NTSR2: variants seen among roughly 807,000 people sequenced by gnomAD.
The protein encoded by NTSR2 is neurotensin receptor 2.
A neutral mutation model predicts 24.1 loss-of-function variants in NTSR2; 22 were observed. The ratio of observed to expected loss-of-function variants is 0.91; its 90% CI spans 0.65 to 1.30. The LOEUF (loss-of-function observed/expected upper bound fraction) is 1.30, where lower values mean the gene tolerates loss of function less well. NTSR2 is among the 50% of genes most tolerant of loss of function. NTSR2 has a pLI of 0.00. For missense variants in NTSR2, 570 were observed against 570.4 expected, an observed-to-expected ratio of 1.00 and a Z score of 0.01; for synonymous variants, 291 against 267.0, an observed-to-expected ratio of 1.09 and a Z score of -0.88.
At chr2:11,669,459 C>CCGGCCGGGGGGGG in intron 1 of NTSR2, 47 bp downstream of exon 1, 1 of 337,894 alleles carries the variant, frequency 3.0e-6, no homozygotes, top group East Asian at 4.3e-5. Context: ...CTCCCAGCAC[C>CCGGCCGGGGGGGG]GCCCCCCCAC....
rs777330487 is a variant in NTSR2, at chr2:11,669,842, C to A, written c.288G>T (p.Trp96Cys). Reference protein sequence around the residue: ...GVPVELYSFVWFHYPWVFGDL... With the variant: ...GVPVELYSFVCFHYPWVFGDL... ...CGCCGAAGACCCAGGGGTAGTGGAA[C>A]CACACGAAGCTGTAGAGCTCCACCG... Residue 96 changes from tryptophan (W) to cysteine (C), a missense_variant, in exon 1 of 4, where the codon TGG becomes TGT. By Grantham distance (215) the Trp-to-Cys change is radical (BLOSUM62 -2). Transcript: ENST00000306928. The A allele has an allele frequency of 2.1e-5, 34 of 1,583,758 alleles. No individual in the cohort carries two copies. In the Admixed American group the frequency reaches 3.3e-4, roughly 15 times the overall value.
At chr2:11,666,885 A>G (rs537538273) in intron 1 of NTSR2, among the ~76,000 whole-genome samples, 4 of 152,118 alleles carry the variant, frequency 2.6e-5, no homozygotes, top group Non-Finnish European at 5.9e-5. Flanking sequence ...GCTTCCTGTG[A>G]GCCAGGCACT....
At chr2:11,669,459 C>CGGGGGGGGGGCGG in intron 1 of NTSR2, 47 bp downstream of exon 1, 1 of 337,896 alleles carries the variant, frequency 3.0e-6, no homozygotes, top group Non-Finnish European at 5.3e-6. Context: ...CTCCCAGCAC[C>CGGGGGGGGGGCGG]GCCCCCCCAC....
intron 1 of NTSR2, among the ~76,000 whole-genome samples, chr2:11,663,586 A>G (rs1661129627): frequency 6.6e-6 from 1 of 152,248 alleles, no homozygotes; most frequent in Admixed American, 6.5e-5. Context: ...CTTGGATTAG[A>G]AAGAAAATAC....
chr2:11,662,150 G>T lies in NTSR2; in HGVS notation c.715C>A (p.Gln239Lys). 1 of 1,603,592 alleles carries T rather than the reference G, an allele frequency of 6.2e-7. No individual in the cohort carries two copies. The highest frequency in any genetic ancestry group is 8.5e-7 in the Non-Finnish European group (1 of 1,175,012). Residue 239 changes from glutamine (Q) to lysine (K), a missense_variant, in exon 2 of 4, where the codon CAA becomes AAA. Gln to Lys is a moderately conservative substitution (Grantham distance 53, BLOSUM62 1). Coordinates refer to ENST00000306928, the MANE Select transcript of NTSR2 (RefSeq NM_012344.4). Reference protein sequence around the residue: ...TVSHLLALCSQVPSTSTPGSS... With the variant: ...TVSHLLALCSKVPSTSTPGSS... ...CCCGGGGTAGAAGTGGACGGCACTT[G>T]GGAGCAGAGGGCCAGCAGGTGGCTC...
chr2:11,669,459 C>CCGGGGCGGGG, intron 1 of NTSR2, 47 bp downstream of exon 1: 2 of 337,896 alleles, frequency 5.9e-6, no homozygotes, highest in East Asian at 4.3e-5. Flanking sequence ...CTCCCAGCAC[C>CCGGGGCGGGG]GCCCCCCCAC....
intron 1 of NTSR2, among the ~76,000 whole-genome samples, chr2:11,663,635 C>T (rs1173709088): frequency 1.3e-5 from 2 of 152,124 alleles, no homozygotes; most frequent in Non-Finnish European, 2.9e-5. Flanking sequence ...TACATAGTCA[C>T]AATTACATAA....
In NTSR2 at chr2:11,660,087, G is replaced by A; in HGVS notation, c.945C>T (p.Ala315=). 8.1e-6 allele frequency: 13 copies of A among 1,613,908 alleles called. No homozygotes were observed. Among genetic ancestry groups the A allele is most frequent in the Admixed American group, 1.7e-5 (1 of 60,028 alleles). Residue 315 remains alanine, a synonymous_variant, in exon 3 of 4, where the codon GCC becomes GCT. Coordinates refer to ENST00000306928, the MANE Select transcript of NTSR2 (RefSeq NM_012344.4). The part of the protein sequence containing the change: ...MYVICWLPYH[A]RRLMYCYVPD... ...GTACGTAGCAGTACATGAGCCTGCG[G>A]GCATGGTACGGCAGCCAGCAGATGA...
chr2:11,664,718 T>C (rs747911771), intron 1 of NTSR2, among the ~76,000 whole-genome samples: 3 of 152,212 alleles, frequency 2.0e-5, no homozygotes, highest in Non-Finnish European at 2.9e-5. Flanking sequence ...TTTGGGAGTT[T>C]TAAAATCTTT....
In NTSR2 at chr2:11,662,021, T is replaced by C. The variant is rs199621181; in HGVS notation, c.844A>G (p.Arg282Gly). ...FIQGGQVSLV[R>G]HKDVRRIRSL... Reference sequence around the variant, plus strand: ...CGGATCCGGCGCACGTCTTTATGTCTCACCAGGCTGACCTGGCCTCCCTGG... The same window carrying C: ...CGGATCCGGCGCACGTCTTTATGTCCCACCAGGCTGACCTGGCCTCCCTGG... Residue 282 changes from arginine to glycine, a missense_variant, in exon 2 of 4, where the codon AGA (arginine) becomes GGA (glycine). Coordinates refer to ENST00000306928, the MANE Select transcript of NTSR2 (RefSeq NM_012344.4). The C allele has an allele frequency of 1.2e-6, 2 of 1,612,940 alleles. No homozygotes were observed. Among genetic ancestry groups the C allele is most frequent in the African/African-American group, 2.7e-5 (2 of 74,990 alleles).
At position 11,669,478 on chromosome 2, in the gene NTSR2, C is replaced by T. The variant is rs774387434; in HGVS notation, c.624+28G>A. 2.1e-5 allele frequency: 17 copies of T among 816,238 alleles called. 1 individual carries two copies. Among genetic ancestry groups the T allele is most frequent in the South Asian group, 5.8e-5 (1 of 17,268 alleles). 50.6% of individuals were successfully genotyped at this position (816,238 alleles called of 1,614,324 possible). The stretch of plus-strand genomic sequence containing the variant: ...CAGCACCGCCCCCCCACCCCCCCTC[C>T]CCCGACTCCCGCTCTCCACGCCCTT... On this transcript the variant is annotated intron_variant, in intron 1 of 3. Coordinates refer to ENST00000306928, the MANE Select transcript of NTSR2 (RefSeq NM_012344.4).
Position 11,660,058 on chromosome 2 carries a change from T to C in NTSR2, c.974A>G (p.Asp325Gly). The C allele has an allele frequency of 1.9e-6, 3 of 1,613,818 alleles. No individual in the cohort carries two copies. Among genetic ancestry groups the C allele is most frequent in the Non-Finnish European group, 2.5e-6 (3 of 1,179,912 alleles). Reference sequence around the variant, plus strand: ...CCACACTCACTCAGTCCACGCGTCATCAGGTACGTAGCAGTACATGAGCCT... The same window carrying C: ...CCACACTCACTCAGTCCACGCGTCACCAGGTACGTAGCAGTACATGAGCCT... The part of the protein sequence containing the change: ...ARRLMYCYVP[D>G]DAWTDPLYNF... The change falls in exon 3 of 4, where the codon GAT becomes GGT. Residue 325 changes from aspartate (D) to glycine (G), a missense_variant. Physicochemically the swap from Asp to Gly is moderately conservative, Grantham distance 94. Transcript: ENST00000306928.
At position 11,662,228 on chromosome 2, in the gene NTSR2, C is replaced by A; in HGVS notation, c.637G>T (p.Val213Leu). 5 of 1,521,972 alleles carry A rather than the reference C, an allele frequency of 3.3e-6. No individual in the cohort carries two copies. The highest frequency in any genetic ancestry group is 4.4e-6 in the Non-Finnish European group (5 of 1,133,642). The allele number at this position is 1,521,972 out of a possible 1,614,324, so 94.3% of individuals were successfully genotyped here. Residue 213 changes from valine to leucine, a missense_variant, in exon 2 of 4, where the codon GTG becomes TTG. Val to Leu is a conservative substitution (Grantham distance 32). Coordinates refer to ENST00000306928, the MANE Select transcript of NTSR2 (RefSeq NM_012344.4). The stretch of plus-strand genomic sequence containing the variant: ...AGTGCCAAGGGGAGCACGAAGGACA[C>A]CAGCACATTCACCTGTGGAGGTAAT... ...LQVFIQVNVL[V>L]SFVLPLALTA...
chr2:11,669,964 C>T lies in NTSR2; in HGVS notation c.166G>A (p.Val56Met). Reference protein sequence around the residue: ...GAAGNALSAHVVLKARAGRAG... With the variant: ...GAAGNALSAHMVLKARAGRAG... ...CGCCCGGCCCGCGCCTTCAGCACCA[C>T]GTGCGCGGACAGCGCATTGCCCGCC... Residue 56 changes from valine to methionine, a missense_variant, in exon 1 of 4, where the codon GTG (valine) becomes ATG (methionine). Transcript: ENST00000306928. 1.3e-6 allele frequency: 2 copies of T among 1,512,302 alleles called. No homozygotes were observed. The highest frequency in any genetic ancestry group is 1.8e-6 in the Non-Finnish European group (2 of 1,137,102). The allele number at this position is 1,512,302 out of a possible 1,614,324, so 93.7% of individuals were successfully genotyped here.
At chr2:11,667,496 C>A (rs1045430977) in intron 1 of NTSR2, among the ~76,000 whole-genome samples, 1 of 152,072 alleles carries the variant, frequency 6.6e-6, no homozygotes, top group African/African-American at 2.4e-5. Flanking sequence ...ACAGGCATGC[C>A]ACCATGCCCA....
At chr2:11,666,895 T>G (rs1405643123) in intron 1 of NTSR2, among the ~76,000 whole-genome samples, 1 of 152,100 alleles carries the variant, frequency 6.6e-6, no homozygotes, top group Non-Finnish European at 1.5e-5. Context: ...AGCCAGGCAC[T>G]GTACCAGGCT....
Position 11,669,894 on chromosome 2 carries a change from C to A in NTSR2, c.236G>T (p.Gly79Val). The part of the protein sequence containing the change: ...RHHVLSLALA[G>V]LLLLLVGVPV... ...CACGCCGACCAGCAGCAGCAGCAGG[C>A]CCGCGAGCGCCAGGCTGAGCACGTG... The change falls in exon 1 of 4, where the codon GGC (glycine) becomes GTC (valine). Residue 79 changes from glycine (G) to valine (V), a missense_variant. Coordinates refer to ENST00000306928, the MANE Select transcript of NTSR2 (RefSeq NM_012344.4). The A allele has an allele frequency of 6.4e-7, 1 of 1,574,420 alleles. No individual in the cohort carries two copies. The highest frequency in any genetic ancestry group is 8.6e-7 in the Non-Finnish European group (1 of 1,166,774).
At chr2:11,663,688 C>T (rs1032512337) in intron 1 of NTSR2, among the ~76,000 whole-genome samples, 2 of 152,120 alleles carry the variant, frequency 1.3e-5, no homozygotes, top group Admixed American at 6.5e-5. Context: ...TAGAATTACA[C>T]TGGAAGGAGG....
At chr2:11,667,895 C>CT (rs1433009902) in intron 1 of NTSR2, among the ~76,000 whole-genome samples, 1 of 152,162 alleles carries the variant, frequency 6.6e-6, no homozygotes, top group African/African-American at 2.4e-5. Context: ...GATCTCTGGG[C>CT]TGAGCCTGTC....
Sources: gnomAD v4.1 joint callset for allele counts (sites outside exome capture counted in the v4.1 genomes callset) on GRCh38, gnomAD v4.1.1 for gene constraint, MANE v1.5 for transcripts, NCBI Gene and HGNC (gene_info 2026-07-23, HGNC 2026-07-21) for gene names.